TEKT4: variants seen among roughly 807,000 people sequenced by gnomAD.
TEKT4 encodes the protein tektin-4.
Under a neutral mutation model 46.0 loss-of-function variants are expected in TEKT4, and 46 were observed. The observed-to-expected ratio is 1.00, with a 90% CI of 0.79 to 1.28. The LOEUF (loss-of-function observed/expected upper bound fraction) is 1.28. Among genes scored for constraint, TEKT4 ranks in the 50% most tolerant of loss-of-function variants. The pLI is 0.00. For synonymous variants in TEKT4, 325 were observed against 265.8 expected (o/e 1.22, Z -2.17); for missense variants, 790 against 622.9 (o/e 1.27, Z -2.85).
At position 94,876,600 on chromosome 2, in the gene TEKT4, G is replaced by C; in HGVS notation, c.1139G>C (p.Arg380Pro). 1 of 1,611,566 alleles carries C rather than the reference G, an allele frequency of 6.2e-7. No individual in the cohort carries two copies. Among genetic ancestry groups the C allele is most frequent in the Non-Finnish European group, 8.5e-7 (1 of 1,179,332 alleles). ...EELNMSLTAL[R>P]EKLLEAEQSL... ...CTGAACATGTCCCTCACAGCACTGC[G>C]AGAGAAGCTTCTAGAAGCGGAGCAG... The change falls in exon 6 of 6, where the codon CGA becomes CCA. Residue 380 changes from arginine (R) to proline (P), a missense_variant. Transcript: ENST00000295201.
chr2:94,873,956 C>A lies in TEKT4; in HGVS notation c.570-9C>A, dbSNP rs111996839. 3 of 1,613,648 alleles carry A rather than the reference C, an allele frequency of 1.9e-6. No homozygotes were observed. The highest frequency in any genetic ancestry group is 8.5e-7 in the Non-Finnish European group (1 of 1,179,950). ...GCACACATCAAGGCCCTGCCCCACCCCGCCCCAGACTGAACCGGGAGCACA... is the reference window on the plus strand; with the variant it reads ...GCACACATCAAGGCCCTGCCCCACCACGCCCCAGACTGAACCGGGAGCACA... On this transcript the variant is annotated splice_polypyrimidine_tract_variant and intron_variant, in intron 2 of 5. Transcript: ENST00000295201.
chr2:94,875,818 C>A lies in TEKT4; in HGVS notation c.1091+76C>A, dbSNP rs562556308. 20 of 1,460,724 alleles carry A rather than the reference C, an allele frequency of 1.4e-5. No homozygotes were observed. The South Asian group carries it at 2.3e-4, about 17-fold the overall frequency. 90.5% of individuals were successfully genotyped at this position (1,460,724 alleles called of 1,614,324 possible). ...CCTGTGACTCTCTCCAATAAACACTCCAACACCCCGCACACACATCCCCCG... is the reference window on the plus strand; with the variant it reads ...CCTGTGACTCTCTCCAATAAACACTACAACACCCCGCACACACATCCCCCG... On this transcript the variant is annotated intron_variant, in intron 5 of 5. Transcript: ENST00000295201.
intron 2 of TEKT4, 39 bp from the exon 3 acceptor site, chr2:94,873,926 C>A: frequency 6.2e-7 from 1 of 1,611,572 alleles, no homozygotes; most frequent in Non-Finnish European, 8.5e-7. Flanking sequence ...CAGGGCCCTC[C>A]CTGGGCACAC....
chr2:94,872,113 G>T (rs782730743), intron 1 of TEKT4, 36 bp downstream of exon 1: 2 of 1,486,328 alleles, frequency 1.3e-6, no homozygotes, highest in Non-Finnish European at 1.8e-6. Context: ...ATTTGTGGGC[G>T]CAGAGAGGAG....
In TEKT4 at chr2:94,871,835, G is replaced by A. The variant is rs782150785; in HGVS notation, c.256G>A (p.Asp86Asn). The part of the protein sequence containing the change: ...TQALAQRTQQ[D>N]STRTVGERLQ... Reference sequence around the variant, plus strand: ...GGCGCTGGCGCAGCGCACGCAGCAAGACTCCACGCGCACAGTGGGCGAGCG... The same window carrying A: ...GGCGCTGGCGCAGCGCACGCAGCAAAACTCCACGCGCACAGTGGGCGAGCG... Residue 86 changes from aspartate to asparagine, a missense_variant, in exon 1 of 6, where the codon GAC (aspartate) becomes AAC (asparagine). By Grantham distance (23) the Asp-to-Asn change is conservative. Coordinates refer to ENST00000295201, the MANE Select transcript of TEKT4 (RefSeq NM_144705.4). 9.8e-5 allele frequency: 157 copies of A among 1,607,560 alleles called. No homozygotes were observed. Among genetic ancestry groups the A allele is most frequent in the Non-Finnish European group, 1.3e-4 (151 of 1,178,126 alleles).
In TEKT4 at chr2:94,873,408, G is replaced by A. The variant is rs1316752716; in HGVS notation, c.499-112G>A. ...ACTTACACAGTCAGAGCTCAGGCCC[G>A]GCATTCAACTCCTTGTGGTTGCTCA... is the stretch of plus-strand genomic sequence containing the variant. On this transcript the variant is annotated intron_variant, in intron 1 of 5. Transcript: ENST00000295201. 59 of 1,571,388 alleles carry A rather than the reference G, an allele frequency of 3.8e-5. No individual in the cohort carries two copies. The African/African-American group carries it at 5.0e-4, about 13-fold the overall frequency.
intron 4 of TEKT4, 61 bp from the exon 5 acceptor site, chr2:94,875,527 T>A: frequency 1.2e-6 from 2 of 1,602,660 alleles, no homozygotes; most frequent in South Asian, 2.3e-5. Context: ...CAGCCTGGTC[T>A]CGGCGTTCTA....
chr2:94,873,671 C>T, intron 2 of TEKT4, 81 bp downstream of exon 2: 1 of 1,565,484 alleles, frequency 6.4e-7, no homozygotes, highest in Non-Finnish European at 8.7e-7. Context: ...CGACAGGACC[C>T]TGAGACTCAG....
In TEKT4 at chr2:94,872,008, C is replaced by T. The variant is rs1305207890; in HGVS notation, c.429C>T (p.Asn143=). The change falls in exon 1 of 6, where the codon AAC becomes AAT. Residue 143 remains asparagine (N), a synonymous_variant. Transcript: ENST00000295201. ...TEVPFSITTD[N]LQCRERREHP... is the part of the protein sequence containing the mutation. ...TGCCCTTCTCCATCACCACTGACAA[C>T]CTGCAGTGCCGTGAGCGCCGCGAGC... The T allele has an allele frequency of 1.3e-6, 2 of 1,592,250 alleles. No homozygotes were observed. Among genetic ancestry groups the T allele is most frequent in the Non-Finnish European group, 1.7e-6 (2 of 1,170,566 alleles).
Position 94,874,034 on chromosome 2 carries a change from C to T in TEKT4, c.639C>T (p.Asp213=), listed in dbSNP as rs138172506. 1.4e-5 allele frequency: 22 copies of T among 1,613,704 alleles called. No homozygotes were observed. The highest frequency in any genetic ancestry group is 1.9e-5 in the Non-Finnish European group (22 of 1,179,972). The change falls in exon 3 of 6, where the codon GAC becomes GAT. Residue 213 remains aspartate (D), a synonymous_variant. Coordinates refer to ENST00000295201, the MANE Select transcript of TEKT4 (RefSeq NM_144705.4). ...WSDKMEAYNI[D]ETCGRHHSQS... Reference sequence around the variant, plus strand: ...ACAAGATGGAGGCCTACAACATCGACGAGACCTGCGGGCGCCACCACAGCC... The same window carrying T: ...ACAAGATGGAGGCCTACAACATCGATGAGACCTGCGGGCGCCACCACAGCC...
Position 94,871,785 on chromosome 2 carries a change from G to A in TEKT4, c.206G>A (p.Ser69Asn). The change falls in exon 1 of 6, where the codon AGC becomes AAC. Residue 69 changes from serine (S) to asparagine (N), a missense_variant. Physicochemically the swap from Ser to Asn is conservative, Grantham distance 46. Coordinates refer to ENST00000295201, the MANE Select transcript of TEKT4 (RefSeq NM_144705.4). ...RDQSERQRHESQQLATETQAL... is the reference protein window; with the variant it reads ...RDQSERQRHENQQLATETQAL... ...CAGTCGGAGCGGCAGCGGCACGAGA[G>A]CCAGCAGCTGGCCACAGAGACCCAG... is the stretch of plus-strand genomic sequence containing the variant. 6.2e-7 allele frequency: 1 copy of A among 1,611,918 alleles called. No homozygotes were observed. The highest frequency in any genetic ancestry group is 8.5e-7 in the Non-Finnish European group (1 of 1,179,604).
rs782580028 is a variant in TEKT4, at chr2:94,871,686, C to T, written c.107C>T (p.Thr36Ile). Residue 36 changes from threonine to isoleucine, a missense_variant, in exon 1 of 6, where the codon ACC becomes ATC. By Grantham distance (89) the Thr-to-Ile change is moderately conservative. Transcript: ENST00000295201. Reference protein sequence around the residue: ...SSGLATASFRTSKYLLEEWFQ... With the variant: ...SSGLATASFRISKYLLEEWFQ... ...GGCCTGGCCACCGCCAGCTTCCGCA[C>T]CTCCAAGTACCTGCTGGAGGAGTGG... 6.2e-7 allele frequency: 1 copy of T among 1,612,486 alleles called. No homozygotes were observed. The highest frequency in any genetic ancestry group is 1.3e-5 in the African/African-American group (1 of 74,932).
At chr2:94,875,430 C>T (rs113845838) in intron 4 of TEKT4, 158 bp from the exon 5 acceptor site, 5 of 602,854 alleles carry the variant, frequency 8.3e-6, no homozygotes, top group East Asian at 2.8e-4. Flanking sequence ...CTGGGGGCCC[C>T]GTGCACATTG....
At position 94,876,812 on chromosome 2, in the gene TEKT4, G is replaced by A. The variant is rs782060385; in HGVS notation, c.*43G>A. ...CCCCCCAGTCCCCCAAATAAACAGC[G>A]CGTTAGCTTTCTGCACAGTGTGTGT... On this transcript the variant is annotated 3_prime_UTR_variant, in exon 6 of 6. Transcript: ENST00000295201. 1.5e-5 allele frequency: 23 copies of A among 1,559,614 alleles called. No individual in the cohort carries two copies. The highest frequency in any genetic ancestry group is 1.7e-4 in the Middle Eastern group (1 of 5,988).
rs782768719 is a variant in TEKT4, at chr2:94,874,859, T to C, written c.797T>C (p.Leu266Pro). 1.2e-6 allele frequency: 2 copies of C among 1,608,680 alleles called. No homozygotes were observed. The highest frequency in any genetic ancestry group is 2.2e-5 in the East Asian group (1 of 44,664). The change falls in exon 4 of 6, where the codon CTG (leucine) becomes CCG (proline). Residue 266 changes from leucine (L) to proline (P), a missense_variant. By Grantham distance (98) the Leu-to-Pro change is moderately conservative. Coordinates refer to ENST00000295201, the MANE Select transcript of TEKT4 (RefSeq NM_144705.4). ...AQRERLASAN[L>P]RVLVDCILRD... ...CGCGAGCGCCTGGCCTCGGCCAACC[T>C]GCGGGTGCTGGTGGACTGCATCCTT...
intron 1 of TEKT4, chr2:94,872,888 G>A (rs1382566312): frequency 4.3e-5 from 55 of 1,289,242 alleles, no homozygotes; most frequent in Non-Finnish European, 5.3e-5. Flanking sequence ...CCCGCAACAA[G>A]GGCACCTGCC....
At chr2:94,872,270 T>C in intron 1 of TEKT4, 193 bp downstream of exon 1, 1 of 668,722 alleles carries the variant, frequency 1.5e-6, no homozygotes, top group Non-Finnish European at 2.5e-6. Context: ...GACCCCTGAC[T>C]TCCAAGCAGC....
At chr2:94,874,141 G>A in intron 3 of TEKT4, 33 bp downstream of exon 3, 1 of 1,603,346 alleles carries the variant, frequency 6.2e-7, no homozygotes, top group Non-Finnish European at 8.5e-7. Context: ...CACTTGCCCT[G>A]GCTGTGGTCT....
chr2:94,871,846 C>G lies in TEKT4; in HGVS notation c.267C>G (p.Arg89=), dbSNP rs1553394600. 3 of 1,606,300 alleles carry G rather than the reference C, an allele frequency of 1.9e-6. No homozygotes were observed. Among genetic ancestry groups the G allele is most frequent in the African/African-American group, 2.7e-5 (2 of 75,012 alleles). ...LAQRTQQDST[R]TVGERLQDTH... ...AGCGCACGCAGCAAGACTCCACGCGCACAGTGGGCGAGCGACTGCAGGACA... is the reference window on the plus strand; with the variant it reads ...AGCGCACGCAGCAAGACTCCACGCGGACAGTGGGCGAGCGACTGCAGGACA... The change falls in exon 1 of 6, where the codon CGC becomes CGG. Residue 89 remains arginine, a synonymous_variant. Coordinates refer to ENST00000295201, the MANE Select transcript of TEKT4 (RefSeq NM_144705.4).
Sources: allele counts gnomAD v4.1 joint callset, GRCh38; gene constraint gnomAD v4.1.1; transcripts MANE v1.5; gene names NCBI Gene and HGNC (gene_info 2026-07-23, HGNC 2026-07-21).